Variants in SNTG2 observed in about 807,000 individuals in gnomAD.
SNTG2 encodes the protein syntrophin gamma 2.
In SNTG2, 74 loss-of-function variants were observed where a neutral mutation model predicts 70.9. The observed-to-expected ratio is 1.04, with a 90% CI of 0.86 to 1.27. SNTG2 has a LOEUF of 1.27. Among genes scored for constraint, SNTG2 ranks in the 50% most tolerant of loss-of-function variants. The pLI is 0.00. For synonymous variants in SNTG2, 278 were observed against 273.8 expected, an observed-to-expected ratio of 1.02 and a Z score of -0.15; for missense variants, 717 against 690.7, an observed-to-expected ratio of 1.04 and a Z score of -0.43.
chr2:1,252,230 G>C (rs1379770235), intron 12 of SNTG2, among the ~76,000 whole-genome samples: 1 of 152,200 alleles, frequency 6.6e-6, no homozygotes, highest in East Asian at 1.9e-4. Flanking sequence ...TACCAGTAAT[G>C]CACTGGAGAG....
intron 8 of SNTG2, among the ~76,000 whole-genome samples, chr2:1,181,773 C>T (rs1324583668): frequency 6.6e-6 from 1 of 152,162 alleles, no homozygotes; most frequent in Non-Finnish European, 1.5e-5. Flanking sequence ...CTGAAGCTTG[C>T]AGGGAGCTTT....
chr2:1,252,438 G>A (rs1677824193), intron 12 of SNTG2, among the ~76,000 whole-genome samples: 1 of 152,156 alleles, frequency 6.6e-6, no homozygotes, highest in Admixed American at 6.5e-5. Context: ...GGAGATTAAG[G>A]AAGGATGATT....
At chr2:1,197,877 A>G (rs1020175288) in intron 8 of SNTG2, among the ~76,000 whole-genome samples, 1 of 152,184 alleles carries the variant, frequency 6.6e-6, no homozygotes, top group African/African-American at 2.4e-5. Context: ...AGTTCTAAAT[A>G]ATGAAATAAA....
intron 16 of SNTG2, among the ~76,000 whole-genome samples, chr2:1,338,570 C>T (rs1336795838): frequency 6.6e-6 from 1 of 152,274 alleles, no homozygotes; most frequent in South Asian, 2.1e-4. Context: ...ATTCTATTGT[C>T]TGTCTCTATG....
intron 4 of SNTG2, among the ~76,000 whole-genome samples, chr2:1,121,522 T>G (rs1440522618): frequency 6.6e-6 from 1 of 152,204 alleles, no homozygotes; most frequent in Non-Finnish European, 1.5e-5. Flanking sequence ...CACGCTGCTA[T>G]AAAGAACTGT....
intron 4 of SNTG2, 105 bp from the exon 5 acceptor site, chr2:1,137,517 C>CACAA (rs1668471566): frequency 8.5e-7 from 1 of 1,179,766 alleles, no homozygotes; most frequent in Non-Finnish European, 1.2e-6. Flanking sequence ...CACACACACA[C>CACAA]GTGGCCACTT....
At chr2:1,335,480 C>T (rs1488580589) in intron 16 of SNTG2, among the ~76,000 whole-genome samples, 1 of 152,096 alleles carries the variant, frequency 6.6e-6, no homozygotes, top group Non-Finnish European at 1.5e-5. Flanking sequence ...GATTCACAGG[C>T]AGGTGAGGAA....
chr2:1,218,982 G>T (rs1034398176), intron 9 of SNTG2, among the ~76,000 whole-genome samples: 7 of 152,216 alleles, frequency 4.6e-5, no homozygotes, highest in Non-Finnish European at 1.0e-4. Context: ...TGCGGTTTAG[G>T]TCTGGGTTTC....
chr2:1,023,723 C>T (rs913228658), intron 1 of SNTG2, among the ~76,000 whole-genome samples: 1 of 152,154 alleles, frequency 6.6e-6, no homozygotes, highest in Non-Finnish European at 1.5e-5. Context: ...CTGCACCCCG[C>T]GTAGTCTGGG....
chr2:1,198,787 A>G (rs566642962), intron 8 of SNTG2, among the ~76,000 whole-genome samples: 3 of 152,214 alleles, frequency 2.0e-5, no homozygotes, highest in South Asian at 4.1e-4. Flanking sequence ...AACAGAGACA[A>G]TAGATAAATT....
In SNTG2 at chr2:1,367,591, A is replaced by G. The variant is rs1573044134; in HGVS notation, c.*117A>G. ...ATGAGCCTATAGTTGTGATACCAAT[A>G]AAACATGTCACTAGTTTCCAAAGAC... is the stretch of plus-strand genomic sequence containing the variant. On this transcript the variant is annotated 3_prime_UTR_variant, in exon 17 of 17. Transcript: ENST00000308624. The G allele has an allele frequency of 5.6e-6, 7 of 1,249,560 alleles. No homozygotes were observed. The East Asian group carries it at 1.8e-4, about 33-fold the overall frequency. 77.4% of individuals were successfully genotyped at this position (1,249,560 alleles called of 1,614,324 possible).
At chr2:1,273,573 G>A (rs1025651128) in intron 14 of SNTG2, among the ~76,000 whole-genome samples, 5 of 151,710 alleles carry the variant, frequency 3.3e-5, no homozygotes, top group African/African-American at 4.8e-5. Flanking sequence ...GACAAATTAT[G>A]CTGGGATAAT....
intron 14 of SNTG2, among the ~76,000 whole-genome samples, chr2:1,275,886 A>G (rs1309439887): frequency 6.6e-6 from 1 of 152,250 alleles, no homozygotes; most frequent in Non-Finnish European, 1.5e-5. Flanking sequence ...ATGAATAATA[A>G]GAAAGCAAAA....
rs144249018 is a variant in SNTG2, at chr2:1,308,761, G to T, written c.1377+175G>T. 2.5e-3 allele frequency among the ~76,000 whole-genome samples: 382 copies of T among 152,254 alleles called. 1 individual carries two copies. The highest frequency in any genetic ancestry group is 8.5e-3 in the African/African-American group (353 of 41,552). On this transcript the variant is annotated intron_variant, in intron 15 of 16. Coordinates refer to ENST00000308624, the MANE Select transcript of SNTG2 (RefSeq NM_018968.4). ...TCTGATAGCTCAGGGCCCCAGGATC[G>T]CCACAAGCCCTGAGGGTGTCTGGCC...
At chr2:1,330,151 T>G (rs1415185837) in intron 16 of SNTG2, among the ~76,000 whole-genome samples, 4 of 152,244 alleles carry the variant, frequency 2.6e-5, no homozygotes, top group South Asian at 2.1e-4. Context: ...TTTCACCTTC[T>G]TCAGCTCAAC....
rs188162775 is a variant in SNTG2, at chr2:1,126,716, C to T, written c.326-10906C>T. On this transcript the variant is annotated intron_variant, in intron 4 of 16. Transcript: ENST00000308624. ...TATTGTGGTTTTTATTTGCATTGCC[C>T]TGATGATTAGTGATTTTAAGCATTT... Among the ~76,000 whole-genome samples the T allele has an allele frequency of 2.9e-3, 443 of 152,126 alleles. 2 individuals carry two copies. The highest frequency in any genetic ancestry group is 0.011 in the African/African-American group (436 of 41,482).
chr2:1,106,067 T>G (rs370933795), intron 4 of SNTG2, among the ~76,000 whole-genome samples: 44 of 132,422 alleles, frequency 3.3e-4, no homozygotes, highest in Admixed American at 5.4e-4. Context: ...TCCTTGGTAA[T>G]AGTGGACACC....
At chr2:1,106,696 A>ACGCG (rs1666184181) in intron 4 of SNTG2, among the ~76,000 whole-genome samples, 1 of 126,558 alleles carries the variant, frequency 7.9e-6, no homozygotes, top group African/African-American at 3.2e-5. Flanking sequence ...GTAATAGTGG[A>ACGCG]TGCGTGCTGT....
chr2:1,211,633 G>A (rs757356096), intron 9 of SNTG2, among the ~76,000 whole-genome samples: 16 of 152,134 alleles, frequency 1.1e-4, no homozygotes, highest in Non-Finnish European at 1.6e-4. Flanking sequence ...CTTACATGGC[G>A]GCAGGGAAGA....
Sources: allele counts gnomAD v4.1 joint callset (sites outside exome capture counted in the v4.1 genomes callset), GRCh38; gene constraint gnomAD v4.1.1; transcripts MANE v1.5; gene names NCBI Gene and HGNC (gene_info 2026-07-23, HGNC 2026-07-21).